Variants in ZNF778 observed in about 807,000 individuals in gnomAD.
The protein encoded by ZNF778 is zinc finger protein 778.
A neutral mutation model predicts 23.9 loss-of-function variants in ZNF778; 37 were observed. That is an observed-to-expected ratio of 1.54 (90% CI 1.19 to 2.03). ZNF778 has a LOEUF of 2.03. Among genes scored for constraint, ZNF778 ranks in the 30% most tolerant of loss-of-function variants. ZNF778 has a pLI of 0.00. For missense variants in ZNF778, 1,297 were observed against 934.4 expected, an observed-to-expected ratio of 1.39 and a Z score of -5.06; for synonymous variants, 483 against 343.9, an observed-to-expected ratio of 1.40 and a Z score of -4.48.
chr16:89,235,046 A>T lies in ZNF778; in HGVS notation c.*6484A>T, dbSNP rs186073673. On this transcript the variant is annotated 3_prime_UTR_variant, in exon 7 of 7. Transcript: ENST00000433976. ...TACTATTTTGGCTTCCACAGTTTCTATGTTTTATCCCAAGTTGCTTAATCC... is the reference window on the plus strand; with the variant it reads ...TACTATTTTGGCTTCCACAGTTTCTTTGTTTTATCCCAAGTTGCTTAATCC... 2 of 152,122 alleles carry T rather than the reference A, an allele frequency of 1.3e-5. No homozygotes were observed. The highest frequency in any genetic ancestry group is 2.4e-5 in the African/African-American group (1 of 41,412). The allele number at this position is 152,122 out of a possible 1,614,324, so 9.4% of individuals were successfully genotyped here.
intron 4 of ZNF778, chr16:89,224,512 A>T: frequency 2.2e-6 from 1 of 463,622 alleles, no homozygotes; most frequent in Admixed American, 3.3e-5. Flanking sequence ...CCAGCTACTT[A>T]GGAGGCTGAG....
chr16:89,234,891 G>C lies in ZNF778; in HGVS notation c.*6329G>C, dbSNP rs1766925822. On this transcript the variant is annotated 3_prime_UTR_variant, in exon 7 of 7. Transcript: ENST00000433976. ...AGATCGCGCCACTGCACTCCAGCCTGGCAACAGAGTGAGACTCTGTCTCAA... is the reference window on the plus strand; with the variant it reads ...AGATCGCGCCACTGCACTCCAGCCTCGCAACAGAGTGAGACTCTGTCTCAA... 6.6e-6 allele frequency: 1 copy of C among 152,132 alleles called. No homozygotes were observed. Among genetic ancestry groups the C allele is most frequent in the Admixed American group, 6.5e-5 (1 of 15,270 alleles). 9.4% of individuals were successfully genotyped at this position (152,132 alleles called of 1,614,324 possible). A position where few individuals can be genotyped will look rare whatever the true frequency, so the allele number is the denominator to read the frequency against.
chr16:89,223,572 C>T (rs533313061), intron 4 of ZNF778, among the ~76,000 whole-genome samples: 58 of 152,232 alleles, frequency 3.8e-4, no homozygotes, highest in South Asian at 6.2e-4. Context: ...CAAGCCCTCC[C>T]GACGATGCCA....
In ZNF778 at chr16:89,234,031, T is replaced by C; in HGVS notation, c.*5469T>C. The stretch of plus-strand genomic sequence containing the variant: ...CTGTGAAAACCCTGTGGCCTCTGCC[T>C]CCCCTGGCTCTGACTTCTGCCTCCT... On this transcript the variant is annotated 3_prime_UTR_variant, in exon 7 of 7. Coordinates refer to ENST00000433976, the MANE Select transcript of ZNF778 (RefSeq NM_001201407.2). 2.0e-6 allele frequency: 2 copies of C among 1,005,160 alleles called. No homozygotes were observed. The highest frequency in any genetic ancestry group is 2.7e-6 in the Non-Finnish European group (2 of 729,170). The allele number at this position is 1,005,160 out of a possible 1,614,324, so 62.3% of individuals were successfully genotyped here.
rs2031840184 is a variant in ZNF778 at position 89,230,173 on chromosome 16, T to G, written c.*1611T>G. 1 of 498,034 alleles carries G rather than the reference T, an allele frequency of 2.0e-6. No homozygotes were observed. The highest frequency in any genetic ancestry group is 8.9e-5 in the South Asian group (1 of 11,296). The allele number at this position is 498,034 out of a possible 1,614,324, so 30.9% of individuals were successfully genotyped here. A position where few individuals can be genotyped will look rare whatever the true frequency, so the allele number is the denominator to read the frequency against. ...TTTTATGAAAATGCCCTTGTTCCTC[T>G]CCCATACCTGATCCCTTCAGATAAA... On this transcript the variant is annotated 3_prime_UTR_variant, in exon 7 of 7. Coordinates refer to ENST00000433976, the MANE Select transcript of ZNF778 (RefSeq NM_001201407.2).
chr16:89,224,793 G>C lies in ZNF778; in HGVS notation c.319G>C (p.Val107Leu). 7.0e-7 allele frequency: 1 copy of C among 1,431,290 alleles called. No homozygotes were observed. Among genetic ancestry groups the C allele is most frequent in the Non-Finnish European group, 9.2e-7 (1 of 1,088,914 alleles). 88.7% of individuals were successfully genotyped at this position (1,431,290 alleles called of 1,614,324 possible). Reference protein sequence around the residue: ...EEELRAGRRAVLQEWRLKTKG... With the variant: ...EEELRAGRRALLQEWRLKTKG... ...GGAGTTGAGGGCAGGGCGGAGAGCA[G>C]TTCTCCAAGGTAAGTGTGAAGAGCA... is the stretch of plus-strand genomic sequence containing the variant. Residue 107 changes from valine to leucine, a missense_variant, in exon 5 of 7, where the codon GTT becomes CTT. Val to Leu is a conservative substitution (Grantham distance 32). Coordinates refer to ENST00000433976, the MANE Select transcript of ZNF778 (RefSeq NM_001201407.2).
rs375940588 is a variant in ZNF778 at position 89,226,808 on chromosome 16, G to A, written c.520G>A (p.Val174Met). 4.3e-6 allele frequency: 7 copies of A among 1,613,898 alleles called. No individual in the cohort carries two copies. The highest frequency in any genetic ancestry group is 1.3e-5 in the African/African-American group (1 of 74,924). Residue 174 changes from valine (V) to methionine (M), a missense_variant, in exon 7 of 7, where the codon GTG (valine) becomes ATG (methionine). Val to Met is a conservative substitution (Grantham distance 21). Coordinates refer to ENST00000433976, the MANE Select transcript of ZNF778 (RefSeq NM_001201407.2). ...AACTCAAAATACAGGAGACAGTTGT[G>A]TGTCTAATCATTATGAAAGGGACTT... ...VRTQNTGDSC[V>M]SNHYERDFFI... is the part of the protein sequence containing the mutation.
chr16:89,222,994 A>G (rs923325561), intron 3 of ZNF778, among the ~76,000 whole-genome samples, 163 bp from the exon 4 acceptor site: 1 of 152,098 alleles, frequency 6.6e-6, no homozygotes, highest in African/African-American at 2.4e-5. Flanking sequence ...GGAGAGCGAC[A>G]GGGCGTGTGT....
In ZNF778 at chr16:89,226,974, G is replaced by A. The variant is rs751940416; in HGVS notation, c.686G>A (p.Ser229Asn). ...CGGGACAGATCTCTTGACTACAGCAGCTGTGGGGAAGTGTTCCTTAATCAG... is the reference window on the plus strand; with the variant it reads ...CGGGACAGATCTCTTGACTACAGCAACTGTGGGGAAGTGTTCCTTAATCAG... ...CTRDRSLDYS[S>N]CGEVFLNQSY... is the part of the protein sequence containing the mutation. Residue 229 changes from serine to asparagine, a missense_variant, in exon 7 of 7, where the codon AGC becomes AAC. By Grantham distance (46) the Ser-to-Asn change is conservative. Transcript: ENST00000433976. The A allele has an allele frequency of 2.5e-6, 4 of 1,614,024 alleles. No homozygotes were observed. The highest frequency in any genetic ancestry group is 3.4e-6 in the Non-Finnish European group (4 of 1,179,908).
In ZNF778 at chr16:89,228,290, A is replaced by G. The variant is rs764977138; in HGVS notation, c.2002A>G (p.Thr668Ala). The change falls in exon 7 of 7, where the codon ACA (threonine) becomes GCA (alanine). Residue 668 changes from threonine (T) to alanine (A), a missense_variant. Coordinates refer to ENST00000433976, the MANE Select transcript of ZNF778 (RefSeq NM_001201407.2). ...CCTTATCGAACACAGAAGGACTCAC[A>G]CAGGAGAGAAACCTTACATATGTAA... ...SHLIEHRRTH[T>A]GEKPYICNEC... The G allele has an allele frequency of 6.2e-7, 1 of 1,605,704 alleles. No individual in the cohort carries two copies. Among genetic ancestry groups the G allele is most frequent in the Non-Finnish European group, 8.5e-7 (1 of 1,173,252 alleles).
chr16:89,220,677 C>T (rs970452346), intron 1 of ZNF778, among the ~76,000 whole-genome samples: 15 of 152,084 alleles, frequency 9.9e-5, no homozygotes, highest in African/African-American at 2.4e-4. Flanking sequence ...AAACCTGTGA[C>T]GAGATGGTCG....
Position 89,230,145 on chromosome 16 carries a change from A to G in ZNF778, c.*1583A>G, listed in dbSNP as rs984857024. The G allele has an allele frequency of 3.1e-6, 2 of 651,216 alleles. No individual in the cohort carries two copies. The highest frequency in any genetic ancestry group is 4.0e-5 in the African/African-American group (2 of 50,074). 40.3% of individuals were successfully genotyped at this position (651,216 alleles called of 1,614,324 possible). The stretch of plus-strand genomic sequence containing the variant: ...CAATGTTGGGGCATAACACAGCTCT[A>G]CATTTTATGAAAATGCCCTTGTTCC... On this transcript the variant is annotated 3_prime_UTR_variant, in exon 7 of 7. Transcript: ENST00000433976.
intron 2 of ZNF778, 113 bp downstream of exon 2, chr16:89,221,265 A>G (rs1242816529): frequency 7.2e-6 from 9 of 1,255,954 alleles, no homozygotes; most frequent in Non-Finnish European, 1.0e-5. Context: ...TTCCTATTGC[A>G]GCTGCTGGAG....
rs191394600 is a variant in ZNF778, at chr16:89,230,239, G to A, written c.*1677G>A. 8.0e-5 allele frequency: 19 copies of A among 236,804 alleles called. No homozygotes were observed. The highest frequency in any genetic ancestry group is 1.2e-4 in the Non-Finnish European group (17 of 145,500). 14.7% of individuals were successfully genotyped at this position (236,804 alleles called of 1,614,324 possible). A position where few individuals can be genotyped will look rare whatever the true frequency, so the allele number is the denominator to read the frequency against. ...GAGGGGCAGAGTGGAGAGGGGCGAG[G>A]TCTGTACCCTGAGATGCCCCCGTTT... On this transcript the variant is annotated 3_prime_UTR_variant, in exon 7 of 7. Transcript: ENST00000433976.
In ZNF778 at chr16:89,229,042, G is replaced by A. The variant is rs2031754721; in HGVS notation, c.*480G>A. 1 of 991,660 alleles carries A rather than the reference G, an allele frequency of 1.0e-6. No individual in the cohort carries two copies. Among genetic ancestry groups the A allele is most frequent in the Non-Finnish European group, 1.2e-6 (1 of 834,092 alleles). The allele number at this position is 991,660 out of a possible 1,614,324, so 61.4% of individuals were successfully genotyped here. A position where few individuals can be genotyped will look rare whatever the true frequency, so the allele number is the denominator to read the frequency against. ...GGGCTAACTTGAGACATGTCTTTCT[G>A]GGGGTTCTGTAGACGTATTTTGAAT... On this transcript the variant is annotated 3_prime_UTR_variant, in exon 7 of 7. Transcript: ENST00000433976.
chr16:89,228,035 C>T lies in ZNF778; in HGVS notation c.1747C>T (p.His583Tyr), dbSNP rs375256496. 6.3e-6 allele frequency: 10 copies of T among 1,589,346 alleles called. No individual in the cohort carries two copies. In the African/African-American group the frequency reaches 1.2e-4, roughly 19 times the overall value. ...GTGCCTGAATAAGCACATTCAGATT[C>T]ACACTGGAATAAAACCTTATGAATG... ...SSCLNKHIQI[H>Y]TGIKPYECKD... Residue 583 changes from histidine to tyrosine, a missense_variant, in exon 7 of 7, where the codon CAC (histidine) becomes TAC (tyrosine). Coordinates refer to ENST00000433976, the MANE Select transcript of ZNF778 (RefSeq NM_001201407.2).
intron 5 of ZNF778, 60 bp downstream of exon 5, chr16:89,224,862 G>A (rs1365506741): frequency 1.6e-6 from 2 of 1,229,698 alleles, no homozygotes; most frequent in African/African-American, 1.5e-5. Context: ...AGGATCCTGA[G>A]TGTCAAGTTT....
In ZNF778 at chr16:89,230,056, G is replaced by C. The variant is rs749376402; in HGVS notation, c.*1494G>C. On this transcript the variant is annotated 3_prime_UTR_variant, in exon 7 of 7. Coordinates refer to ENST00000433976, the MANE Select transcript of ZNF778 (RefSeq NM_001201407.2). ...ATCCAGATGGGATCCTGTATGAGCA[G>C]CGTAGGCTCTGGTTGGTTAGTCATG... 2.1e-6 allele frequency: 2 copies of C among 975,034 alleles called. No homozygotes were observed. The highest frequency in any genetic ancestry group is 2.4e-6 in the Non-Finnish European group (2 of 820,704). 60.4% of individuals were successfully genotyped at this position (975,034 alleles called of 1,614,324 possible).
At position 89,228,517 on chromosome 16, in the gene ZNF778, C is replaced by A; in HGVS notation, c.2229C>A (p.Cys743Ter). Residue 743 changes from cysteine (C) to a stop codon, truncating the protein, a stop_gained, in exon 7 of 7, where the codon TGC becomes TGA. Coordinates refer to ENST00000433976, the MANE Select transcript of ZNF778 (RefSeq NM_001201407.2). LOFTEE classifies it low-confidence loss of function (END_TRUNC). ...DCGKSFKNSS[C>*]LNHHTQIHTD... is the part of the protein sequence containing the mutation. Reference sequence around the variant, plus strand: ...GAAAATCTTTTAAGAATTCCTCATGCCTTAACCATCACACTCAAATTCACA... The same window carrying A: ...GAAAATCTTTTAAGAATTCCTCATGACTTAACCATCACACTCAAATTCACA... 5.6e-6 allele frequency: 9 copies of A among 1,602,110 alleles called. No individual in the cohort carries two copies. Among genetic ancestry groups the A allele is most frequent in the South Asian group, 1.1e-5 (1 of 88,626 alleles).
Sources: gnomAD v4.1 joint callset for allele counts (sites outside exome capture counted in the v4.1 genomes callset) on GRCh38, gnomAD v4.1.1 for gene constraint, MANE v1.5 for transcripts, NCBI Gene and HGNC (gene_info 2026-07-23, HGNC 2026-07-21) for gene names.